INTS8: variants seen among roughly 807,000 people sequenced by gnomAD.
INTS8 encodes the protein protein kaonashi-1.
A neutral mutation model predicts 138.9 loss-of-function variants in INTS8; 47 were observed. The observed-to-expected ratio is 0.34, with a 90% CI of 0.27 to 0.43. The LOEUF (loss-of-function observed/expected upper bound fraction) is 0.43. Among genes scored for constraint, INTS8 ranks in the 20% least tolerant of loss-of-function variants. The probability of loss-of-function intolerance (pLI) is 1.00; values close to 1 mark genes in which losing one functional copy is unlikely to be tolerated. For missense variants in INTS8, 996 were observed against 1,173.0 expected (o/e 0.85, Z 2.20); for synonymous variants, 392 against 400.9 (o/e 0.98, Z 0.27).
In INTS8 at chr8:94,856,758, ATTC is replaced by A. The variant is rs1815761803; in HGVS notation, c.1753-16_1753-14del. 5 of 1,609,254 alleles carry A rather than the reference ATTC, an allele frequency of 3.1e-6. No individual in the cohort carries two copies. Among genetic ancestry groups the A allele is most frequent in the Non-Finnish European group, 3.4e-6 (4 of 1,175,780 alleles). The stretch of plus-strand genomic sequence containing the variant: ...CGCCAAAGGAAAGGTGACCCAGGCT[ATTC>A]TTTTTCTTTTCATAGGACTTTTCCC... On this transcript the variant is annotated splice_polypyrimidine_tract_variant and intron_variant, in intron 14 of 26. Coordinates refer to ENST00000523731, the MANE Select transcript of INTS8 (RefSeq NM_017864.4).
At chr8:94,859,929 C>G (rs968339591) in intron 16 of INTS8, 8 of 294,480 alleles carry the variant, frequency 2.7e-5, no homozygotes, top group African/African-American at 1.3e-4. Flanking sequence ...TTTGGTTGCT[C>G]TAATCACACT....
At chr8:94,837,226 T>C (rs1563646110) in intron 7 of INTS8, among the ~76,000 whole-genome samples, 1 of 152,346 alleles carries the variant, frequency 6.6e-6, no homozygotes, top group East Asian at 1.9e-4. Flanking sequence ...ATAGTATCTT[T>C]TATAAACTTG....
intron 4 of INTS8, 119 bp downstream of exon 4, chr8:94,827,912 G>T: frequency 1.2e-6 from 1 of 839,254 alleles, no homozygotes; most frequent in Non-Finnish European, 2.0e-6. Context: ...AGGGCAGAAG[G>T]CCTGTGTGAA....
intron 16 of INTS8, among the ~76,000 whole-genome samples, chr8:94,863,230 G>C (rs1168627924): frequency 1.3e-5 from 2 of 152,156 alleles, no homozygotes; most frequent in Non-Finnish European, 2.9e-5. Flanking sequence ...GGCCTACCAG[G>C]CTTCTTAAGG....
chr8:94,865,098 C>A (rs1816127525), intron 16 of INTS8, among the ~76,000 whole-genome samples: 1 of 151,954 alleles, frequency 6.6e-6, no homozygotes, highest in South Asian at 2.1e-4. Flanking sequence ...TTTAACCTCA[C>A]CCCCTGGGCT....
chr8:94,873,084 T>C (rs552779793), intron 21 of INTS8, among the ~76,000 whole-genome samples: 1 of 152,338 alleles, frequency 6.6e-6, no homozygotes, highest in East Asian at 1.9e-4. Flanking sequence ...TCGATATCTA[T>C]CAAGTTCAAG....
intron 2 of INTS8, 147 bp from the exon 3 acceptor site, chr8:94,827,113 GAAA>G (rs779624019): frequency 3.0e-6 from 2 of 658,104 alleles, no homozygotes; most frequent in Admixed American, 5.7e-5. Context: ...TCAAAAAAAA[GAAA>G]AAAAAACTTT....
At chr8:94,831,622 C>T (rs1189299136) in intron 5 of INTS8, among the ~76,000 whole-genome samples, 1 of 151,864 alleles carries the variant, frequency 6.6e-6, no homozygotes, top group African/African-American at 2.4e-5. Flanking sequence ...GCTGGGATTA[C>T]AGGCGTCTGC....
intron 1 of INTS8, among the ~76,000 whole-genome samples, chr8:94,823,810 C>G (rs142194143): frequency 6.0e-4 from 91 of 152,344 alleles, no homozygotes; most frequent in African/African-American, 2.1e-3. Context: ...ACCCTTTGGT[C>G]CTTTTTACGA....
intron 5 of INTS8, among the ~76,000 whole-genome samples, 155 bp from the exon 6 acceptor site, chr8:94,831,837 G>A (rs914069016): frequency 1.6e-4 from 25 of 152,142 alleles, no homozygotes; most frequent in Admixed American, 1.6e-3. Flanking sequence ...TTCATTTAAG[G>A]TAACTTTATT....
chr8:94,849,537 G>A lies in INTS8; in HGVS notation c.1331+5G>A. The A allele has an allele frequency of 6.7e-7, 1 of 1,493,794 alleles. No individual in the cohort carries two copies. Among genetic ancestry groups the A allele is most frequent in the Non-Finnish European group, 9.1e-7 (1 of 1,097,486 alleles). 92.5% of individuals were successfully genotyped at this position (1,493,794 alleles called of 1,614,324 possible). ...AAACATGGCTGCTTTTCTAAAGTAA[G>A]TACCTTTCTTTTCTTTTTTCTTTTT... On this transcript the variant is annotated splice_donor_5th_base_variant and intron_variant, in intron 11 of 26. Transcript: ENST00000523731.
intron 5 of INTS8, among the ~76,000 whole-genome samples, chr8:94,831,436 A>G (rs1814707773): frequency 6.7e-6 from 1 of 149,372 alleles, no homozygotes; most frequent in Admixed American, 6.7e-5. Flanking sequence ...CAACTTTTCT[A>G]CAGAAAAAAG....
At position 94,827,357 on chromosome 8, in the gene INTS8, A is replaced by T. The variant is rs759843814; in HGVS notation, c.400A>T (p.Thr134Ser). 37 of 1,614,062 alleles carry T rather than the reference A, an allele frequency of 2.3e-5. No homozygotes were observed. The highest frequency in any genetic ancestry group is 3.1e-5 in the Non-Finnish European group (36 of 1,179,998). Residue 134 changes from threonine (T) to serine (S), a missense_variant, in exon 3 of 27, where the codon ACT becomes TCT. Thr to Ser is a moderately conservative substitution (Grantham distance 58, BLOSUM62 1). Transcript: ENST00000523731. ...AAAGCATGTAGACATGGATCTGGCC[A>T]CTTTACCTCCGACCACTGCCATGGC... ...GTKHVDMDLA[T>S]LPPTTAMAVL...
chr8:94,881,439 C>T lies in INTS8; in HGVS notation c.*1205C>T, dbSNP rs1007650782. The T allele has an allele frequency of 1.8e-6, 1 of 571,082 alleles. No individual in the cohort carries two copies. The highest frequency in any genetic ancestry group is 1.9e-5 in the African/African-American group (1 of 52,406). The allele number at this position is 571,082 out of a possible 1,614,324, so 35.4% of individuals were successfully genotyped here. A position where few individuals can be genotyped will look rare whatever the true frequency, so the allele number is the denominator to read the frequency against. On this transcript the variant is annotated 3_prime_UTR_variant, in exon 27 of 27. Transcript: ENST00000523731. Reference sequence around the variant, plus strand: ...TAAACAAGTCCTGCTGTTTCTTTAACAGCTAACATAGGAAATAATTAAATG... The same window carrying T: ...TAAACAAGTCCTGCTGTTTCTTTAATAGCTAACATAGGAAATAATTAAATG...
chr8:94,872,128 T>C, intron 21 of INTS8, 126 bp downstream of exon 21: 1 of 580,808 alleles, frequency 1.7e-6, no homozygotes, highest in Non-Finnish European at 3.0e-6. Context: ...TTAGTAAAAT[T>C]AAAGCAGTAA....
Position 94,865,578 on chromosome 8 carries a change from C to A in INTS8, c.2149C>A (p.Leu717Ile). 1 of 1,614,078 alleles carries A rather than the reference C, an allele frequency of 6.2e-7. No individual in the cohort carries two copies. The highest frequency in any genetic ancestry group is 8.5e-7 in the Non-Finnish European group (1 of 1,179,964). ...PKESRRTAKD[L>I]WEVVVQICSV... ...AGAAAGTAGACGGACTGCCAAAGAC[C>A]TTTGGGAAGTTGTTGTTCAAATCTG... Residue 717 changes from leucine to isoleucine, a missense_variant, in exon 17 of 27, where the codon CTT (leucine) becomes ATT (isoleucine). Physicochemically the swap from Leu to Ile is conservative, Grantham distance 5. Transcript: ENST00000523731.
chr8:94,851,336 GCATT>G (rs1262278030), intron 12 of INTS8, among the ~76,000 whole-genome samples: 1 of 151,934 alleles, frequency 6.6e-6, no homozygotes, highest in Admixed American at 6.6e-5. Context: ...TTTTTAAAAT[GCATT>G]CATTTATTAA....
At chr8:94,824,784 T>TTTC in intron 1 of INTS8, 109 bp from the exon 2 acceptor site, 1 of 60,920 alleles carries the variant, frequency 1.6e-5, no homozygotes, top group Non-Finnish European at 2.9e-5. Flanking sequence ...AAACCCAAAC[T>TTTC]CCCCCCCCCC....
At position 94,880,828 on chromosome 8, in the gene INTS8, G is replaced by GA. The variant is rs1045400008; in HGVS notation, c.*597dup. On this transcript the variant is annotated 3_prime_UTR_variant, in exon 27 of 27. Transcript: ENST00000523731. ...AGTGACTTCCTCATATAAATAGTTT[G>GA]AAAGGGTACTTAAGTTTTTCACCCA... 10 of 398,428 alleles carry GA rather than the reference G, an allele frequency of 2.5e-5. No individual in the cohort carries two copies. Among genetic ancestry groups the GA allele is most frequent in the Non-Finnish European group, 3.5e-5 (8 of 225,808 alleles). The allele number at this position is 398,428 out of a possible 1,614,324, so 24.7% of individuals were successfully genotyped here.
Sources: allele counts gnomAD v4.1 joint callset (sites outside exome capture counted in the v4.1 genomes callset), GRCh38; gene constraint gnomAD v4.1.1; transcripts MANE v1.5; gene names NCBI Gene and HGNC (gene_info 2026-07-23, HGNC 2026-07-21).